Variants in NFRKB observed in about 807,000 individuals in gnomAD.
The protein encoded by NFRKB is nuclear factor related to kappaB binding protein, also known as nuclear factor related to kappa-B-binding protein.
In NFRKB, 62 loss-of-function variants were observed where a neutral mutation model predicts 135.7. The ratio of observed to expected loss-of-function variants is 0.46; its 90% CI spans 0.37 to 0.56. NFRKB has a LOEUF of 0.56. Among genes scored for constraint, NFRKB ranks in the 20% least tolerant of loss-of-function variants. NFRKB has a pLI of 0.00. For synonymous variants in NFRKB, 678 were observed against 635.6 expected (o/e 1.07, Z -1.00); for missense variants, 1,545 against 1,662.0 (o/e 0.93, Z 1.22).
rs778165692 is a variant in NFRKB, at chr11:129,872,953, C to T, written c.2694G>A (p.Gly898=). The change falls in exon 23 of 27, where the codon GGG becomes GGA. Residue 898 remains glycine (G), a synonymous_variant. Transcript: ENST00000682444. ...PVSKPATSSP[G]TSAPSASTAA... is the part of the protein sequence containing the mutation. ...CCGTGGAGGCACTGGGAGCAGAGGT[C>T]CCAGGAGAACTCGTGGCTGGCTTAC... 3.5e-5 allele frequency: 56 copies of T among 1,614,094 alleles called. 1 individual carries two copies. The South Asian group carries it at 4.8e-4, about 14-fold the overall frequency.
In NFRKB at chr11:129,864,616, C is replaced by G; in HGVS notation, c.*109G>C. On this transcript the variant is annotated 3_prime_UTR_variant, in exon 27 of 27. Coordinates refer to ENST00000682444, the MANE Select transcript of NFRKB (RefSeq NM_001143835.2). ...GGCCACCGTTGCCATCACCCCTCGC[C>G]TGGCTGCCTTGAACAGGCAAGCTTA... is the stretch of plus-strand genomic sequence containing the variant. The G allele has an allele frequency of 1.3e-6, 2 of 1,508,582 alleles. No individual in the cohort carries two copies. The highest frequency in any genetic ancestry group is 1.8e-6 in the Non-Finnish European group (2 of 1,109,466). 93.4% of individuals were successfully genotyped at this position (1,508,582 alleles called of 1,614,324 possible).
At position 129,883,081 on chromosome 11, in the gene NFRKB, C is replaced by G. The variant is rs770828792; in HGVS notation, c.901+41G>C. 3 of 1,586,948 alleles carry G rather than the reference C, an allele frequency of 1.9e-6. No homozygotes were observed. In the South Asian group the frequency reaches 3.3e-5, roughly 18 times the overall value. ...GTTATGGGCTCACGCAACTTAACAC[C>G]ATAGTCAGATGAAGGCTCCTAGAGG... On this transcript the variant is annotated intron_variant, in intron 9 of 26. Transcript: ENST00000682444.
rs199818499 is a variant in NFRKB, at chr11:129,878,458, A to G, written c.1464+6T>C. On this transcript the variant is annotated splice_donor_region_variant and intron_variant, in intron 14 of 26. Transcript: ENST00000682444. ...GAAGGATCTGGTATTTCTTAAAAAA[A>G]CATACCTTACAGAAGGCCTGATCTT... 78 of 1,614,006 alleles carry G rather than the reference A, an allele frequency of 4.8e-5. No homozygotes were observed. In the East Asian group the frequency reaches 1.5e-3, roughly 31 times the overall value.
rs528729413 is a variant in NFRKB at position 129,886,219 on chromosome 11, C to T, written c.465+98G>A. ...ACAGATTAATTGGTAGCATTTTTTT[C>T]TTCGTGGCAATTTTTGTGTTTTGCA... On this transcript the variant is annotated intron_variant, in intron 5 of 26. Coordinates refer to ENST00000682444, the MANE Select transcript of NFRKB (RefSeq NM_001143835.2). The T allele has an allele frequency of 7.8e-6, 11 of 1,412,184 alleles. No individual in the cohort carries two copies. In the East Asian group the frequency reaches 2.3e-4, roughly 30 times the overall value. 87.5% of individuals were successfully genotyped at this position (1,412,184 alleles called of 1,614,324 possible).
At chr11:129,888,825 T>C (rs774689448) in intron 3 of NFRKB, 30 bp from the exon 4 acceptor site, 1 of 1,585,224 alleles carries the variant, frequency 6.3e-7, no homozygotes, top group Admixed American at 1.7e-5. Flanking sequence ...TAAACAAAAG[T>C]AAAATAAATT....
chr11:129,882,394 C>T, intron 10 of NFRKB, 57 bp downstream of exon 10: 1 of 1,569,466 alleles, frequency 6.4e-7, no homozygotes, highest in Admixed American at 1.9e-5. Context: ...GGCCAGGGCA[C>T]AGCCTATGGC....
intron 2 of NFRKB, chr11:129,894,019 G>A (rs1949671500): frequency 6.6e-6 from 1 of 152,292 alleles, no homozygotes; most frequent in East Asian, 1.9e-4. Context: ...TGGTCCATTT[G>A]ATCCGTATAA....
rs1948880854 is a variant in NFRKB at position 129,878,537 on chromosome 11, G to A, written c.1391C>T (p.Ser464Phe). Residue 464 changes from serine (S) to phenylalanine (F), a missense_variant, in exon 14 of 27, where the codon TCC (serine) becomes TTC (phenylalanine). This residue lies in a region of NFRKB where 678 missense variants were observed against 646.7 expected (regional missense o/e 1.05). Coordinates refer to ENST00000682444, the MANE Select transcript of NFRKB (RefSeq NM_001143835.2). ...AGCTAATTCCTTTTCATTATCTTGG[G>A]ATTGGCCTATTAGAGGAATAAAGAG... is the stretch of plus-strand genomic sequence containing the variant. ...KTQQWKLLGQ[S>F]QDNEKELAAL... 6.2e-7 allele frequency: 1 copy of A among 1,613,600 alleles called. No individual in the cohort carries two copies. The highest frequency in any genetic ancestry group is 1.3e-5 in the African/African-American group (1 of 74,898).
chr11:129,877,606 T>C (rs1490503756), intron 15 of NFRKB, among the ~76,000 whole-genome samples: 1 of 152,132 alleles, frequency 6.6e-6, no homozygotes, highest in Non-Finnish European at 1.5e-5. Context: ...AGGTACTGGG[T>C]GGATAGATGG....
At chr11:129,879,081 C>A (rs1226218223) in intron 13 of NFRKB, among the ~76,000 whole-genome samples, 2 of 152,120 alleles carry the variant, frequency 1.3e-5, no homozygotes, top group African/African-American at 4.8e-5. Flanking sequence ...GTCTCCTGTG[C>A]CCTCTTCTCA....
intron 24 of NFRKB, among the ~76,000 whole-genome samples, chr11:129,866,965 A>T (rs1260524011): frequency 3.9e-5 from 6 of 152,158 alleles, no homozygotes; most frequent in Non-Finnish European, 8.8e-5. Flanking sequence ...GCATGCAAAG[A>T]GGGCAACAGG....
At position 129,873,736 on chromosome 11, in the gene NFRKB, C is replaced by T. The variant is rs1295273500; in HGVS notation, c.2550+9G>A. ...TCTGCTTCCCAATGACCACGGCTTC[C>T]CTGTTTACCTGGGGCACTACTTTGG... On this transcript the variant is annotated intron_variant, in intron 22 of 26. Coordinates refer to ENST00000682444, the MANE Select transcript of NFRKB (RefSeq NM_001143835.2). 3 of 1,608,070 alleles carry T rather than the reference C, an allele frequency of 1.9e-6. No individual in the cohort carries two copies. In the African/African-American group the frequency reaches 4.0e-5, roughly 21 times the overall value.
chr11:129,874,707 TG>T lies in NFRKB; in HGVS notation c.1978+85del. ...CCTCTACCATCTTGTCCTACCTATATGCCAATGAAAAGAATAATGGAATTGG... is the reference window on the plus strand; with the variant it reads ...CCTCTACCATCTTGTCCTACCTATATCCAATGAAAAGAATAATGGAATTGG... On this transcript the variant is annotated intron_variant, in intron 19 of 26. Transcript: ENST00000682444. The surrounding 1 kb of genome is among the most constrained non-coding windows in gnomAD (Gnocchi z 4.5). 1.2e-6 allele frequency: 2 copies of T among 1,609,070 alleles called. No individual in the cohort carries two copies. The highest frequency in any genetic ancestry group is 1.7e-6 in the Non-Finnish European group (2 of 1,176,050).
chr11:129,868,531 T>C (rs1302049286), intron 24 of NFRKB, among the ~76,000 whole-genome samples: 4 of 152,164 alleles, frequency 2.6e-5, no homozygotes, highest in African/African-American at 9.7e-5. Context: ...ATCTCAACTC[T>C]CCATGTGCGC....
chr11:129,888,527 T>C (rs1949389418), intron 4 of NFRKB, 67 bp downstream of exon 4: 3 of 1,388,266 alleles, frequency 2.2e-6, no homozygotes, highest in South Asian at 1.2e-5. Context: ...AAGAAAGGAA[T>C]ACCCACATAA....
chr11:129,888,371 G>C (rs1949378976), intron 4 of NFRKB: 3 of 681,854 alleles, frequency 4.4e-6, no homozygotes, highest in Non-Finnish European at 8.0e-6. Flanking sequence ...AGCTGATGCT[G>C]GTTACAAGCT....
intron 8 of NFRKB, 22 bp from the exon 9 acceptor site, chr11:129,883,228 T>C: frequency 6.2e-7 from 1 of 1,610,598 alleles, no homozygotes; most frequent in Non-Finnish European, 8.5e-7. Context: ...ATCCAGAATT[T>C]GGTCATGGAG....
At chr11:129,882,679 G>A (rs1591516192) in intron 9 of NFRKB, 48 bp from the exon 10 acceptor site, 9 of 1,552,020 alleles carry the variant, frequency 5.8e-6, no homozygotes, top group Non-Finnish European at 7.0e-6. Flanking sequence ...CTCCTACACA[G>A]GGAAGTGAGG....
intron 23 of NFRKB, among the ~76,000 whole-genome samples, chr11:129,871,035 T>C (rs1052986052): frequency 7.9e-5 from 12 of 152,182 alleles, no homozygotes; most frequent in Admixed American, 3.3e-4. Flanking sequence ...GGTTCCAGGA[T>C]GCCCCTAGGT....
Sources: gnomAD v4.1 joint callset for allele counts (sites outside exome capture counted in the v4.1 genomes callset) on GRCh38, gnomAD v4.1.1 for gene constraint, gnomAD v4.1.1 regional missense constraint, Gnocchi (gnomAD v3.1) non-coding constraint, MANE v1.5 for transcripts, NCBI Gene and HGNC (gene_info 2026-07-23, HGNC 2026-07-21) for gene names.